The following ERBB4 variants were observed in gnomAD, a reference collection of about 807,000 sequenced individuals.
ERBB4 encodes receptor tyrosine-protein kinase erbB-4.
ERBB4 carries 42 observed loss-of-function variants against 158.0 expected under a neutral mutation model. That is an observed-to-expected ratio of 0.27 (90% CI 0.21 to 0.34). The LOEUF (loss-of-function observed/expected upper bound fraction) is 0.34. ERBB4 is among the 10% of genes least tolerant of loss of function. ERBB4 has a pLI of 1.00. For missense variants in ERBB4, 1,333 were observed against 1,624.1 expected (o/e 0.82, Z 3.08); for synonymous variants, 583 against 558.7 (o/e 1.04, Z -0.61).
chr2:212,231,266 G>A (rs1245667497), intron 1 of ERBB4, among the ~76,000 whole-genome samples: 18 of 151,954 alleles, frequency 1.2e-4, no homozygotes, highest in South Asian at 8.3e-4. Flanking sequence ...CATCTCAAAC[G>A]GACAAAACCT....
chr2:212,254,407 T>C (rs866570134), intron 1 of ERBB4, among the ~76,000 whole-genome samples: 5 of 152,118 alleles, frequency 3.3e-5, no homozygotes, highest in African/African-American at 1.2e-4. Context: ...TCGAATAGTG[T>C]TATTTAAAAT....
rs553940331 is a variant in ERBB4, at chr2:212,429,900, C to A, written c.82+108549G>T. On this transcript the variant is annotated intron_variant, in intron 1 of 27. Transcript: ENST00000342788. ...TATTCATAATTTGAATTAATAGGTTCTTTTAATTAATATCTGTTATAGTTT... is the reference window on the plus strand; with the variant it reads ...TATTCATAATTTGAATTAATAGGTTATTTTAATTAATATCTGTTATAGTTT... Among the ~76,000 whole-genome samples the A allele has an allele frequency of 9.2e-5, 14 of 152,256 alleles. No homozygotes were observed. In the South Asian group the frequency reaches 2.9e-3, roughly 32 times the overall value.
At chr2:211,709,875 T>C (rs565730975) in intron 9 of ERBB4, among the ~76,000 whole-genome samples, 1 of 152,324 alleles carries the variant, frequency 6.6e-6, no homozygotes, top group African/African-American at 2.4e-5. Context: ...TAACAATGTG[T>C]CTGGCTAGTG....
At chr2:212,053,470 T>A (rs1409389764) in intron 2 of ERBB4, among the ~76,000 whole-genome samples, 6 of 152,150 alleles carry the variant, frequency 3.9e-5, no homozygotes, top group Non-Finnish European at 8.8e-5. Context: ...TCATGCAAAC[T>A]GCTCTTTACC....
chr2:212,004,571 C>T (rs1223297861), intron 2 of ERBB4, among the ~76,000 whole-genome samples: 6 of 152,090 alleles, frequency 3.9e-5, no homozygotes, highest in Non-Finnish European at 1.5e-5. Flanking sequence ...TCCAACTTTA[C>T]TTTTTTATTT....
At chr2:212,127,778 G>A (rs1383269075) in intron 1 of ERBB4, among the ~76,000 whole-genome samples, 3 of 151,968 alleles carry the variant, frequency 2.0e-5, no homozygotes, top group African/African-American at 7.3e-5. Flanking sequence ...AGAAAGCCCC[G>A]TGACCAGAAA....
At chr2:212,169,960 C>A (rs2081465220) in intron 1 of ERBB4, among the ~76,000 whole-genome samples, 2 of 152,108 alleles carry the variant, frequency 1.3e-5, no homozygotes, top group Non-Finnish European at 2.9e-5. Context: ...TCAGGTATGT[C>A]TTTATAGCAG....
At chr2:212,422,500 A>AACACACAC (rs56308920) in intron 1 of ERBB4, among the ~76,000 whole-genome samples, 5,732 of 148,602 alleles carry the variant, frequency 0.039, 174 homozygotes, top group African/African-American at 0.068. Flanking sequence ...TTGGACTCAA[A>AACACACAC]ACACACACAC....
intron 7 of ERBB4, among the ~76,000 whole-genome samples, chr2:211,714,408 A>T (rs1198176037): frequency 6.6e-6 from 1 of 152,184 alleles, no homozygotes; most frequent in Non-Finnish European, 1.5e-5. Flanking sequence ...CACAATATGC[A>T]ATGTTGTGGA....
chr2:211,956,268 A>C (rs1045763467), intron 2 of ERBB4, among the ~76,000 whole-genome samples: 16 of 152,158 alleles, frequency 1.1e-4, no homozygotes, highest in Non-Finnish European at 2.2e-4. Flanking sequence ...AAAAATAGTA[A>C]GAATGTTTGG....
At chr2:212,077,035 A>G (rs909557484) in intron 2 of ERBB4, among the ~76,000 whole-genome samples, 11 of 152,194 alleles carry the variant, frequency 7.2e-5, no homozygotes, top group Middle Eastern at 3.4e-3. Flanking sequence ...TATTAAATGT[A>G]TAAAAACGTA....
chr2:212,168,559 A>G (rs531075852), intron 1 of ERBB4, among the ~76,000 whole-genome samples: 1 of 152,230 alleles, frequency 6.6e-6, no homozygotes, highest in South Asian at 2.1e-4. Context: ...CCAGTAGGTA[A>G]AATTAGATAT....
At chr2:211,527,443 T>C (rs1465350808) in intron 20 of ERBB4, among the ~76,000 whole-genome samples, 1 of 151,926 alleles carries the variant, frequency 6.6e-6, no homozygotes, top group East Asian at 1.9e-4. Flanking sequence ...CTACAAGAAA[T>C]GGTAAAGGGA....
chr2:211,458,116 A>ATATATCCATAGATATATCACTCTATC (rs2125495309), intron 20 of ERBB4, among the ~76,000 whole-genome samples: 1 of 116,332 alleles, frequency 8.6e-6, no homozygotes, highest in South Asian at 4.7e-4. Flanking sequence ...ATCACTCTAT[A>ATATATCCATAGATATATCACTCTATC]TATCTTTCAT....
chr2:211,658,856 T>C (rs556385693), intron 15 of ERBB4, among the ~76,000 whole-genome samples: 75 of 152,268 alleles, frequency 4.9e-4, no homozygotes, highest in African/African-American at 1.7e-3. Context: ...TGAACCAATA[T>C]AGAATTATTA....
chr2:211,872,144 C>G (rs756643972), intron 3 of ERBB4, among the ~76,000 whole-genome samples: 1 of 152,060 alleles, frequency 6.6e-6, no homozygotes, highest in Non-Finnish European at 1.5e-5. Context: ...AACATTTGCT[C>G]AAATGAAAAA....
intron 17 of ERBB4, 34 bp from the exon 18 acceptor site, chr2:211,624,078 G>T (rs762964358): frequency 4.3e-6 from 7 of 1,613,386 alleles, no homozygotes; most frequent in Non-Finnish European, 5.9e-6. Context: ...TATACTTTCA[G>T]TCCGATAGTC....
intron 11 of ERBB4, among the ~76,000 whole-genome samples, chr2:211,702,854 A>G (rs2073302490): frequency 6.6e-6 from 1 of 152,132 alleles, no homozygotes; most frequent in Non-Finnish European, 1.5e-5. Flanking sequence ...TACTAATATT[A>G]CTTTGAGTGA....
intron 3 of ERBB4, among the ~76,000 whole-genome samples, chr2:211,908,128 T>A (rs1345057032): frequency 2.0e-5 from 3 of 151,672 alleles, no homozygotes; most frequent in African/African-American, 7.2e-5. Context: ...GGCATTAGAG[T>A]TCACCAGTCT....
Sources: gnomAD v4.1 joint callset for allele counts (sites outside exome capture counted in the v4.1 genomes callset) on GRCh38, gnomAD v4.1.1 for gene constraint, MANE v1.5 for transcripts, NCBI Gene and HGNC (gene_info 2026-07-23, HGNC 2026-07-21) for gene names.